The following RFC3 variants were observed in gnomAD, a reference collection of about 807,000 sequenced individuals.
RFC3 encodes the protein replication factor C subunit 3.
Under a neutral mutation model 45.1 loss-of-function variants are expected in RFC3, and 41 were observed. The observed-to-expected ratio is 0.91, with a 90% CI of 0.71 to 1.18. RFC3 has a LOEUF of 1.18. Ranked by LOEUF, RFC3 falls within the 50% of genes most tolerant of loss-of-function variation. The pLI is 0.00. For synonymous variants in RFC3, 149 were observed against 144.0 expected (o/e 1.03, Z -0.25); for missense variants, 423 against 428.1 (o/e 0.99, Z 0.10).
At chr13:33,917,941 T>A (rs1349552057) in intron 8 of RFC3, among the ~76,000 whole-genome samples, 1 of 152,150 alleles carries the variant, frequency 6.6e-6, no homozygotes, top group Non-Finnish European at 1.5e-5. Context: ...GATCTGGTTT[T>A]AAGAAACTCA....
chr13:33,830,040 G>A, intron 5 of RFC3, 23 bp downstream of exon 5: 1 of 1,601,038 alleles, frequency 6.2e-7, no homozygotes, highest in Non-Finnish European at 8.5e-7. Flanking sequence ...ACACTTTTCT[G>A]AAAAATAAAT....
chr13:33,825,491 C>A (rs3135575), intron 3 of RFC3, among the ~76,000 whole-genome samples: 5,268 of 152,120 alleles, frequency 0.035, 189 homozygotes, highest in African/African-American at 0.086. Flanking sequence ...TTTCTATAGT[C>A]GGTACAGAAG....
intron 8 of RFC3, among the ~76,000 whole-genome samples, chr13:33,880,091 C>T (rs762805651): frequency 5.9e-5 from 9 of 152,324 alleles, no homozygotes; most frequent in Non-Finnish European, 1.2e-4. Flanking sequence ...AACTTGATTC[C>T]GTCTGCTGCC....
intron 2 of RFC3, among the ~76,000 whole-genome samples, chr13:33,823,206 A>G (rs1275567399): frequency 2.6e-5 from 4 of 152,106 alleles, no homozygotes. Context: ...AAACTGTTTT[A>G]TGAAGCAGAC....
downstream of RFC3, among the ~76,000 whole-genome samples, chr13:33,970,955 C>A (rs1437963411): frequency 1.3e-5 from 2 of 152,158 alleles, no homozygotes; most frequent in South Asian, 2.1e-4. Context: ...ACTTAAATGG[C>A]AACAGCCAGG....
chr13:33,952,484 C>T (rs1182875900), intron 8 of RFC3, among the ~76,000 whole-genome samples: 2 of 152,180 alleles, frequency 1.3e-5, no homozygotes, highest in Admixed American at 6.5e-5. Flanking sequence ...TTCTGAATCT[C>T]AGGTTTTCAT....
At chr13:33,912,851 T>G (rs9315274) in intron 8 of RFC3, among the ~76,000 whole-genome samples, 14,933 of 151,916 alleles carry the variant, frequency 0.098, 1,187 homozygotes, top group African/African-American at 0.22. Flanking sequence ...TTTATAAGGG[T>G]GGCCTAGGGA....
chr13:33,872,710 G>T (rs980329745), intron 8 of RFC3, among the ~76,000 whole-genome samples: 1 of 150,444 alleles, frequency 6.6e-6, no homozygotes, highest in African/African-American at 2.4e-5. Context: ...TCCAGGCTGG[G>T]CAACAAGAGT....
chr13:33,833,778 C>CA, intron 7 of RFC3, among the ~76,000 whole-genome samples: 1 of 152,072 alleles, frequency 6.6e-6, no homozygotes, highest in East Asian at 1.9e-4. Context: ...TCAGAGAAAT[C>CA]ACAGGCTTTT....
rs927320344 is a variant in RFC3 at position 33,824,578 on chromosome 13, A to G, written c.293+594A>G. 2.6e-5 allele frequency among the ~76,000 whole-genome samples: 4 copies of G among 152,124 alleles called. 1 individual carries two copies. Among genetic ancestry groups the G allele is most frequent in the African/African-American group, 4.8e-5 (2 of 41,450 alleles). On this transcript the variant is annotated intron_variant, in intron 3 of 8. Transcript: ENST00000380071. ...AAGCTGCTATGATCTGTGGGGCTGT[A>G]TGAGTTCTTAAAGGAGAACAGAATT...
intron 8 of RFC3, among the ~76,000 whole-genome samples, chr13:33,908,069 T>C (rs1478196720): frequency 6.6e-6 from 1 of 151,918 alleles, no homozygotes; most frequent in African/African-American, 2.4e-5. Context: ...TTTAAGGATA[T>C]GCTGAAAGTG....
chr13:33,940,288 A>C (rs977395308), intron 8 of RFC3, among the ~76,000 whole-genome samples: 3 of 152,224 alleles, frequency 2.0e-5, no homozygotes, highest in Admixed American at 2.0e-4. Context: ...GATATTTACT[A>C]TCAGGTTCAA....
intron 8 of RFC3, among the ~76,000 whole-genome samples, chr13:33,938,871 T>C (rs2082905619): frequency 6.6e-6 from 1 of 152,154 alleles, no homozygotes; most frequent in South Asian, 2.1e-4. Flanking sequence ...AAATTTACAC[T>C]CCAACTGGCA....
At chr13:33,968,784 G>A (rs761528469), downstream of RFC3, among the ~76,000 whole-genome samples, 27 of 152,076 alleles carry the variant, frequency 1.8e-4, no homozygotes, top group African/African-American at 4.6e-4. Context: ...GAAGATTGTC[G>A]TCAATATCCT....
downstream of RFC3, among the ~76,000 whole-genome samples, chr13:33,968,017 T>C (rs571144360): frequency 6.6e-6 from 1 of 152,312 alleles, no homozygotes; most frequent in South Asian, 2.1e-4. Context: ...AAGACAAAGG[T>C]ATAATGATTT....
At chr13:33,871,423 C>T (rs1350900221) in intron 8 of RFC3, among the ~76,000 whole-genome samples, 2 of 152,142 alleles carry the variant, frequency 1.3e-5, no homozygotes, top group Non-Finnish European at 1.5e-5. Flanking sequence ...TTCCTCGTAT[C>T]CCTCCAACTT....
intron 8 of RFC3, among the ~76,000 whole-genome samples, chr13:33,932,015 TA>T (rs2082855671): frequency 6.6e-6 from 1 of 152,146 alleles, no homozygotes; most frequent in African/African-American, 2.4e-5. Context: ...TGAGACTATT[TA>T]TATTGCCTTT....
intron 8 of RFC3, among the ~76,000 whole-genome samples, chr13:33,909,933 G>C (rs1383740140): frequency 6.6e-6 from 1 of 151,980 alleles, no homozygotes; most frequent in Admixed American, 6.6e-5. Context: ...GGTCTGGGAA[G>C]GTCTATCATA....
At chr13:33,896,272 A>G (rs1044233320) in intron 8 of RFC3, among the ~76,000 whole-genome samples, 1 of 151,948 alleles carries the variant, frequency 6.6e-6, no homozygotes, top group African/African-American at 2.4e-5. Context: ...AACAAAAAGA[A>G]AACTTTCCAA....
Sources: allele counts gnomAD v4.1 joint callset (sites outside exome capture counted in the v4.1 genomes callset), GRCh38; gene constraint gnomAD v4.1.1; transcripts MANE v1.5; gene names NCBI Gene and HGNC (gene_info 2026-07-23, HGNC 2026-07-21).